Variants in KDM5A observed in about 807,000 individuals in gnomAD.
KDM5A encodes the protein lysine demethylase 5A.
Under a neutral mutation model 193.5 loss-of-function variants are expected in KDM5A, and 42 were observed. The observed-to-expected ratio is 0.22, with a 90% CI of 0.17 to 0.28. The LOEUF (loss-of-function observed/expected upper bound fraction) is 0.28, where lower values mean the gene tolerates loss of function less well. Ranked by LOEUF, KDM5A falls within the 10% of genes least tolerant of loss-of-function variation. The pLI is 1.00. For missense variants in KDM5A, 1,692 were observed against 2,055.1 expected (o/e 0.82, Z 3.42); for synonymous variants, 796 against 718.1 (o/e 1.11, Z -1.73).
chr12:388,829 A>G (rs1310056654), intron 1 of KDM5A, 98 bp downstream of exon 1: 1 of 1,390,238 alleles, frequency 7.2e-7, no homozygotes, highest in African/African-American at 1.4e-5. Context: ...AAGAGAGTAC[A>G]TATGAAACGA....
chr12:362,311 A>G (rs1944303075), intron 5 of KDM5A, among the ~76,000 whole-genome samples: 1 of 152,080 alleles, frequency 6.6e-6, no homozygotes, highest in African/African-American at 2.4e-5. Context: ...AGAAAGAAAC[A>G]AAAGGAAGAA....
At chr12:312,249 TCTCC>T (rs1325157626) in intron 20 of KDM5A, among the ~76,000 whole-genome samples, 1 of 152,212 alleles carries the variant, frequency 6.6e-6, no homozygotes, top group African/African-American at 2.4e-5. Flanking sequence ...AAAATACGTC[TCTCC>T]AACTAGAAAA....
intron 27 of KDM5A, 69 bp downstream of exon 27, chr12:292,690 T>C (rs1943313081): frequency 6.3e-7 from 1 of 1,582,010 alleles, no homozygotes; most frequent in African/African-American, 1.3e-5. Flanking sequence ...CACATTGATA[T>C]CAAACATGTG....
chr12:360,649 A>T (rs1344003659), intron 5 of KDM5A, among the ~76,000 whole-genome samples: 1 of 152,256 alleles, frequency 6.6e-6, no homozygotes. Flanking sequence ...TACTTAGCTC[A>T]AAGTTAGATT....
chr12:345,983 T>C (rs1944068467), intron 10 of KDM5A, among the ~76,000 whole-genome samples: 1 of 151,970 alleles, frequency 6.6e-6, no homozygotes, highest in Admixed American at 6.6e-5. Flanking sequence ...CAGGACCTGG[T>C]TTTTTGAAAA....
chr12:289,163 G>C (rs1373814766), intron 27 of KDM5A, among the ~76,000 whole-genome samples: 1 of 152,016 alleles, frequency 6.6e-6, no homozygotes, highest in Non-Finnish European at 1.5e-5. Flanking sequence ...CCAACAATAA[G>C]AGGGTTAAAA....
At position 323,161 on chromosome 12, in the gene KDM5A, T is replaced by C; in HGVS notation, c.2196A>G (p.Val732=). 1 of 1,494,764 alleles carries C rather than the reference T, an allele frequency of 6.7e-7. No homozygotes were observed. The highest frequency in any genetic ancestry group is 9.0e-7 in the Non-Finnish European group (1 of 1,107,632). The allele number at this position is 1,494,764 out of a possible 1,614,324, so 92.6% of individuals were successfully genotyped here. Residue 732 remains valine, a synonymous_variant, in exon 16 of 28, where the codon GTA becomes GTG. Transcript: ENST00000399788. ...TGTCATAGGACTGTGCCCTGACTTT[T>C]ACACCATATAGCAGAGAAGGGAGGT... The part of the protein sequence containing the change: ...LEDLPSLLYG[V]KVRAQSYDTW...
At chr12:310,356 C>G (rs1363263207) in intron 21 of KDM5A, among the ~76,000 whole-genome samples, 1 of 152,126 alleles carries the variant, frequency 6.6e-6, no homozygotes, top group Admixed American at 6.5e-5. Context: ...ATAGGCTGGA[C>G]GTGGTGGCTC....
intron 10 of KDM5A, among the ~76,000 whole-genome samples, chr12:349,620 G>A (rs771536845): frequency 7.9e-5 from 12 of 151,432 alleles, no homozygotes; most frequent in Non-Finnish European, 1.2e-4. Context: ...GAGCCACCAC[G>A]CCCATCCTGG....
intron 18 of KDM5A, among the ~76,000 whole-genome samples, chr12:319,652 G>T (rs1943691916): frequency 6.6e-6 from 1 of 152,122 alleles, no homozygotes; most frequent in African/African-American, 2.4e-5. Context: ...AACTTGGGAG[G>T]CTGAGGTGGG....
intron 24 of KDM5A, among the ~76,000 whole-genome samples, chr12:302,236 C>A (rs867287785): frequency 6.6e-6 from 1 of 152,182 alleles, no homozygotes; most frequent in Admixed American, 6.5e-5. Context: ...AGAAATAGAA[C>A]AAGGCTGGAG....
chr12:362,148 A>G (rs1944301062), intron 5 of KDM5A, among the ~76,000 whole-genome samples: 1 of 152,206 alleles, frequency 6.6e-6, no homozygotes, highest in African/African-American at 2.4e-5. Flanking sequence ...CTGTCTATCT[A>G]TATGTTAACG....
rs374121245 is a variant in KDM5A at position 371,781 on chromosome 12, A to G, written c.367-5677T>C. On this transcript the variant is annotated intron_variant, in intron 3 of 27. Coordinates refer to ENST00000399788, the MANE Select transcript of KDM5A (RefSeq NM_001042603.3). Reference sequence around the variant, plus strand: ...ATCCATCTTCAATTAATTTTTGTATAAGTTGTAAGGAAGGGATCCAGTTTC... The same window carrying G: ...ATCCATCTTCAATTAATTTTTGTATGAGTTGTAAGGAAGGGATCCAGTTTC... Among the ~76,000 whole-genome samples, 189 of 152,274 alleles carry G rather than the reference A, an allele frequency of 1.2e-3. 3 individuals carry two copies. In the South Asian group the frequency reaches 0.036, roughly 29 times the overall value.
intron 8 of KDM5A, 76 bp from the exon 9 acceptor site, chr12:352,400 T>C: frequency 7.5e-7 from 1 of 1,335,596 alleles, no homozygotes; most frequent in Non-Finnish European, 1.1e-6. Flanking sequence ...AGTTACTAAA[T>C]TCTTTGATCA....
intron 19 of KDM5A, among the ~76,000 whole-genome samples, chr12:315,338 C>T (rs992950110): frequency 7.2e-5 from 11 of 152,120 alleles, no homozygotes; most frequent in South Asian, 4.1e-4. Flanking sequence ...CTTTGGGAGG[C>T]GGAGGCAGGC....
At chr12:297,590 C>A (rs140240645) in intron 24 of KDM5A, among the ~76,000 whole-genome samples, 194 of 152,312 alleles carry the variant, frequency 1.3e-3, no homozygotes, top group African/African-American at 4.5e-3. Context: ...CTTACACACA[C>A]CTTGTACCAG....
At position 328,770 on chromosome 12, in the gene KDM5A, T is replaced by C. The variant is rs193121997; in HGVS notation, c.1968+65A>G. The C allele has an allele frequency of 2.8e-6, 4 of 1,450,338 alleles. No homozygotes were observed. The Admixed American group carries it at 6.7e-5, about 24-fold the overall frequency. The allele number at this position is 1,450,338 out of a possible 1,614,324, so 89.8% of individuals were successfully genotyped here. On this transcript the variant is annotated intron_variant, in intron 14 of 27. Transcript: ENST00000399788. The stretch of plus-strand genomic sequence containing the variant: ...GGGGATAAGGGATGAAAATTCTACC[T>C]ATAGGTTTATTTAGCATATCCCATA...
chr12:289,006 C>A (rs2137359349), intron 27 of KDM5A, among the ~76,000 whole-genome samples: 1 of 152,276 alleles, frequency 6.6e-6, no homozygotes, highest in South Asian at 2.1e-4. Context: ...AGTAAAGCCG[C>A]TGGAAATGCA....
chr12:322,209 A>T, intron 17 of KDM5A: 1 of 584,850 alleles, frequency 1.7e-6, no homozygotes, highest in Non-Finnish European at 3.0e-6. Flanking sequence ...GCTATGTATG[A>T]AGAACAGCAA....
Sources: allele counts gnomAD v4.1 joint callset (sites outside exome capture counted in the v4.1 genomes callset), GRCh38; gene constraint gnomAD v4.1.1; transcripts MANE v1.5; gene names NCBI Gene and HGNC (gene_info 2026-07-23, HGNC 2026-07-21).